Variants in ARID2 observed in about 807,000 individuals in gnomAD.
ARID2 encodes AT-rich interactive domain-containing protein 2.
In ARID2, 32 loss-of-function variants were observed where a neutral mutation model predicts 184.6. The observed-to-expected ratio is 0.17, with a 90% confidence interval of 0.13 to 0.23. The LOEUF is 0.23. ARID2 is among the 10% of genes least tolerant of loss of function. The pLI is 1.00. For missense variants in ARID2, 1,696 were observed against 2,197.6 expected (o/e 0.77, Z 4.56); for synonymous variants, 836 against 772.6 (o/e 1.08, Z -1.36).
intron 3 of ARID2, among the ~76,000 whole-genome samples, chr12:45,746,621 T>C (rs554348928): frequency 1.2e-4 from 19 of 152,250 alleles, no homozygotes; most frequent in Non-Finnish European, 2.5e-4. Flanking sequence ...TAATTTGCCA[T>C]GTGCCGGGCA....
intron 4 of ARID2, among the ~76,000 whole-genome samples, chr12:45,816,968 A>G (rs1208430903): frequency 6.6e-6 from 1 of 152,254 alleles, no homozygotes; most frequent in Non-Finnish European, 1.5e-5. Flanking sequence ...TACATCTGTC[A>G]AAACTTAGAA....
chr12:45,839,313 T>A lies in ARID2; in HGVS notation c.1331-16T>A, dbSNP rs759579102. 1 of 1,591,018 alleles carries A rather than the reference T, an allele frequency of 6.3e-7. No individual in the cohort carries two copies. The highest frequency in any genetic ancestry group is 8.5e-7 in the Non-Finnish European group (1 of 1,170,602). ...AATATTATTGACTAATAACTATTGC[T>A]TTTTATTTATTTTAGACATGTTAGT... On this transcript the variant is annotated splice_polypyrimidine_tract_variant and intron_variant, in intron 10 of 20. Coordinates refer to ENST00000334344, the MANE Select transcript of ARID2 (RefSeq NM_152641.4).
intron 15 of ARID2, among the ~76,000 whole-genome samples, chr12:45,859,812 C>T (rs1011678284): frequency 3.3e-5 from 5 of 152,230 alleles, no homozygotes; most frequent in African/African-American, 7.2e-5. Flanking sequence ...CAGCTCACTG[C>T]AACCTCTGCC....
intron 3 of ARID2, among the ~76,000 whole-genome samples, chr12:45,760,430 C>T (rs773242980): frequency 2.8e-4 from 42 of 152,082 alleles, no homozygotes; most frequent in African/African-American, 6.0e-4. Flanking sequence ...TTGTTAACAA[C>T]GTCTAATTAG....
intron 3 of ARID2, among the ~76,000 whole-genome samples, chr12:45,742,810 T>C (rs960351349): frequency 6.6e-6 from 1 of 152,222 alleles, no homozygotes; most frequent in Non-Finnish European, 1.5e-5. Flanking sequence ...TTAGAGCTAG[T>C]TACTAAAGTG....
At chr12:45,818,044 G>A (rs1351720303) in intron 5 of ARID2, among the ~76,000 whole-genome samples, 156 bp downstream of exon 5, 1 of 151,824 alleles carries the variant, frequency 6.6e-6, no homozygotes, top group African/African-American at 2.4e-5. Context: ...TGTTTGGGGG[G>A]TTTTAACCTT....
At chr12:45,853,259 G>A (rs1274785428) in intron 15 of ARID2, among the ~76,000 whole-genome samples, 1 of 151,976 alleles carries the variant, frequency 6.6e-6, no homozygotes, top group East Asian at 1.9e-4. Context: ...CTCTAAATGG[G>A]GATTTCTGTA....
intron 10 of ARID2, among the ~76,000 whole-genome samples, chr12:45,838,099 C>A (rs1415798638): frequency 6.6e-6 from 1 of 152,188 alleles, no homozygotes; most frequent in Non-Finnish European, 1.5e-5. Flanking sequence ...GACAAAACTG[C>A]TATATCTAAC....
At chr12:45,811,237 A>C (rs1294244285) in intron 3 of ARID2, among the ~76,000 whole-genome samples, 181 bp from the exon 4 acceptor site, 1 of 151,592 alleles carries the variant, frequency 6.6e-6, no homozygotes, top group African/African-American at 2.4e-5. Flanking sequence ...CATTGCATTG[A>C]GTTTATCTGC....
At chr12:45,844,059 G>GTC (rs1943399959) in intron 11 of ARID2, among the ~76,000 whole-genome samples, 2 of 151,912 alleles carry the variant, frequency 1.3e-5, no homozygotes, top group African/African-American at 4.8e-5. Context: ...TTGAGAAAGG[G>GTC]TCTCACTCGG....
chr12:45,891,464 A>G (rs1191460373), intron 16 of ARID2, among the ~76,000 whole-genome samples: 1 of 152,200 alleles, frequency 6.6e-6, no homozygotes, highest in African/African-American at 2.4e-5. Flanking sequence ...GTTGGATTGG[A>G]TATGCTTGAG....
chr12:45,734,685 C>T (rs1941074807), intron 3 of ARID2, among the ~76,000 whole-genome samples: 1 of 151,890 alleles, frequency 6.6e-6, no homozygotes, highest in African/African-American at 2.4e-5. Context: ...AAATTTATGC[C>T]CAAGTATCTC....
chr12:45,772,910 G>C (rs1055983926), intron 3 of ARID2, among the ~76,000 whole-genome samples: 2 of 152,134 alleles, frequency 1.3e-5, no homozygotes, highest in Non-Finnish European at 2.9e-5. Flanking sequence ...AGACCAAACA[G>C]ACACTATCCA....
In ARID2 at chr12:45,850,378, A is replaced by C. The variant is rs1475473313; in HGVS notation, c.2255A>C (p.Gln752Pro). The C allele has an allele frequency of 6.2e-7, 1 of 1,614,106 alleles. No individual in the cohort carries two copies. Among genetic ancestry groups the C allele is most frequent in the Admixed American group, 1.7e-5 (1 of 60,014 alleles). Residue 752 changes from glutamine to proline, a missense_variant, in exon 15 of 21, where the codon CAA (glutamine) becomes CCA (proline). Physicochemically the swap from Gln to Pro is moderately conservative, Grantham distance 76 (BLOSUM62 -1). Transcript: ENST00000334344. ...GTTCAGAATCATAGTACAGGGCCAC[A>C]ACCTGTTACAGTTGTGAATTCTCAG... ...SVVQNHSTGP[Q>P]PVTVVNSQTL...
intron 15 of ARID2, among the ~76,000 whole-genome samples, chr12:45,860,146 A>G (rs145630106): frequency 6.6e-6 from 1 of 152,372 alleles, no homozygotes; most frequent in East Asian, 1.9e-4. Context: ...GCTTGAGGCC[A>G]GTAATTTGAG....
intron 3 of ARID2, among the ~76,000 whole-genome samples, chr12:45,769,139 T>G (rs1188096814): frequency 6.6e-6 from 1 of 152,062 alleles, no homozygotes; most frequent in Non-Finnish European, 1.5e-5. Context: ...AACAAAAAAT[T>G]GTGAGATATG....
At chr12:45,796,561 T>G (rs989642069) in intron 3 of ARID2, among the ~76,000 whole-genome samples, 10 of 152,206 alleles carry the variant, frequency 6.6e-5, no homozygotes, top group African/African-American at 1.4e-4. Flanking sequence ...TCGTCCAGGC[T>G]GGAGTGCAGT....
intron 6 of ARID2, among the ~76,000 whole-genome samples, chr12:45,826,931 A>G (rs930060923): frequency 6.6e-6 from 1 of 152,082 alleles, no homozygotes; most frequent in African/African-American, 2.4e-5. Context: ...TTACAATGTT[A>G]GATTTTCTTC....
chr12:45,890,352 A>G (rs1194091316), intron 16 of ARID2, among the ~76,000 whole-genome samples: 1 of 152,248 alleles, frequency 6.6e-6, no homozygotes, highest in Non-Finnish European at 1.5e-5. Context: ...TTAGAAATAG[A>G]CATTGTGAAT....
Sources: gnomAD v4.1 joint callset for allele counts (sites outside exome capture counted in the v4.1 genomes callset) on GRCh38, gnomAD v4.1.1 for gene constraint, MANE v1.5 for transcripts, NCBI Gene and HGNC (gene_info 2026-07-23, HGNC 2026-07-21) for gene names.